Variants in KAZN observed in about 807,000 individuals in gnomAD.
KAZN encodes kazrin, periplakin interacting protein.
KAZN carries 40 observed loss-of-function variants against 87.4 expected under a neutral mutation model. The observed-to-expected ratio is 0.46, with a 90% CI of 0.36 to 0.60. KAZN has a LOEUF of 0.60. Ranked by LOEUF, KAZN falls within the 20% of genes least tolerant of loss-of-function variation. The probability of loss-of-function intolerance (pLI) is 0.00; values close to 1 mark genes in which losing one functional copy is unlikely to be tolerated. For synonymous variants in KAZN, 466 were observed against 458.3 expected, an observed-to-expected ratio of 1.02 and a Z score of -0.22; for missense variants, 898 against 1,073.9, an observed-to-expected ratio of 0.84 and a Z score of 2.29.
chr1:14,774,062 C>T lies in KAZN; in HGVS notation c.226+174839C>T, dbSNP rs574331157. On this transcript the variant is annotated intron_variant, in intron 1 of 14. Coordinates refer to ENST00000376030, the MANE Select transcript of KAZN (RefSeq NM_201628.3). ...TCATCCAAGGATCCAGGAGACCCAA[C>T]GCTAGCAAAAGACCCCACATGCTTT... Among the ~76,000 whole-genome samples the T allele has an allele frequency of 6.6e-5, 10 of 152,364 alleles. No homozygotes were observed. The East Asian group carries it at 1.7e-3, about 26-fold the overall frequency.
chr1:14,099,819 C>G (rs1230540786), intron 1 of KAZN, among the ~76,000 whole-genome samples: 1 of 152,334 alleles, frequency 6.6e-6, no homozygotes, highest in Non-Finnish European at 1.5e-5. Flanking sequence ...TTCCCCTAAG[C>G]TAGCTTAGAA....
chr1:14,695,793 C>A (rs565715375), intron 1 of KAZN, among the ~76,000 whole-genome samples: 1 of 151,942 alleles, frequency 6.6e-6, no homozygotes. Flanking sequence ...CATGAGCCAC[C>A]GTGCCCGGCC....
intron 2 of KAZN, among the ~76,000 whole-genome samples, chr1:14,478,988 G>A (rs2149502): frequency 6.6e-6 from 1 of 152,230 alleles, no homozygotes; most frequent in Non-Finnish European, 1.5e-5. Context: ...ATGGGCAACT[G>A]GGAGTTGAGA....
intron 2 of KAZN, among the ~76,000 whole-genome samples, chr1:14,531,605 T>C (rs1444789696): frequency 6.6e-6 from 1 of 152,172 alleles, no homozygotes; most frequent in Non-Finnish European, 1.5e-5. Context: ...AAGATGTGGT[T>C]GACAGCCTGG....
chr1:15,040,348 G>C (rs1672761132), intron 3 of KAZN, among the ~76,000 whole-genome samples: 1 of 152,192 alleles, frequency 6.6e-6, no homozygotes, highest in African/African-American at 2.4e-5. Flanking sequence ...AACTTCTCCA[G>C]CAGACTCCTG....
chr1:14,059,398 T>G (rs534492755), intron 1 of KAZN, among the ~76,000 whole-genome samples: 50 of 152,304 alleles, frequency 3.3e-4, no homozygotes, highest in Non-Finnish European at 6.2e-4. Context: ...TGGAGTCTGA[T>G]GTCTAAGAAC....
intron 2 of KAZN, among the ~76,000 whole-genome samples, chr1:14,341,414 G>T (rs1657717131): frequency 6.6e-6 from 1 of 152,114 alleles, no homozygotes; most frequent in Non-Finnish European, 1.5e-5. Context: ...TGGGCTCAGG[G>T]TGCTGCAGTG....
At chr1:13,970,834 A>G (rs1436965491) in intron 1 of KAZN, among the ~76,000 whole-genome samples, 1 of 152,210 alleles carries the variant, frequency 6.6e-6, no homozygotes, top group African/African-American at 2.4e-5. Flanking sequence ...ATGCCATCTC[A>G]GCTCTTTCAT....
chr1:14,442,553 G>T (rs1244561145), intron 2 of KAZN, among the ~76,000 whole-genome samples: 1 of 152,178 alleles, frequency 6.6e-6, no homozygotes, highest in East Asian at 1.9e-4. Context: ...TAGCTCTGTG[G>T]GGACTCAGCT....
At chr1:14,035,927 T>C (rs1036025907) in intron 1 of KAZN, among the ~76,000 whole-genome samples, 2 of 152,134 alleles carry the variant, frequency 1.3e-5, no homozygotes, top group African/African-American at 4.8e-5. Context: ...GTGGAGAAAA[T>C]CATTTCCTAG....
chr1:13,993,420 T>G (rs540248790), intron 1 of KAZN, among the ~76,000 whole-genome samples: 1 of 152,370 alleles, frequency 6.6e-6, no homozygotes, highest in South Asian at 2.1e-4. Context: ...CATTAAATTG[T>G]TTGATATTTA....
At chr1:14,979,687 G>A (rs1666036906) in intron 2 of KAZN, among the ~76,000 whole-genome samples, 1 of 152,048 alleles carries the variant, frequency 6.6e-6, no homozygotes, top group South Asian at 2.1e-4. Flanking sequence ...GACTTGTGGG[G>A]AGGCAGTAAT....
rs559818827 is a variant in KAZN, at chr1:14,825,019, C to A, written c.227-135665C>A. Among the ~76,000 whole-genome samples the A allele has an allele frequency of 3.9e-5, 6 of 152,384 alleles. No homozygotes were observed. The East Asian group carries it at 9.7e-4, about 25-fold the overall frequency. ...GTGAGCCCCAAATGCTGTTCCACAGCGAGGTGTGCTCACAGCGCATCCCCC... is the reference window on the plus strand; with the variant it reads ...GTGAGCCCCAAATGCTGTTCCACAGAGAGGTGTGCTCACAGCGCATCCCCC... On this transcript the variant is annotated intron_variant, in intron 1 of 14. Coordinates refer to ENST00000376030, the MANE Select transcript of KAZN (RefSeq NM_201628.3).
chr1:14,292,086 C>T (rs371041038), intron 2 of KAZN, among the ~76,000 whole-genome samples: 1 of 152,070 alleles, frequency 6.6e-6, no homozygotes, highest in Non-Finnish European at 1.5e-5. Context: ...TCACACTTTC[C>T]GAGAACCTAG....
chr1:14,303,471 C>G (rs1375739612), intron 2 of KAZN, among the ~76,000 whole-genome samples: 1 of 152,176 alleles, frequency 6.6e-6, no homozygotes, highest in Non-Finnish European at 1.5e-5. Flanking sequence ...GTCTCAATCT[C>G]CTGACCTCGG....
intron 2 of KAZN, among the ~76,000 whole-genome samples, chr1:14,296,728 TG>T: frequency 7.0e-6 from 1 of 143,722 alleles, no homozygotes; most frequent in South Asian, 2.3e-4. Context: ...CTCTGCCTCC[TG>T]GGTTTAAGCA....
chr1:14,281,351 C>T (rs1238305200), intron 2 of KAZN, among the ~76,000 whole-genome samples: 1 of 152,176 alleles, frequency 6.6e-6, no homozygotes, highest in Non-Finnish European at 1.5e-5. Flanking sequence ...TACTTCTGCA[C>T]ACATAAAGCA....
chr1:14,831,891 C>T (rs953324490), intron 1 of KAZN, among the ~76,000 whole-genome samples: 3 of 152,066 alleles, frequency 2.0e-5, no homozygotes, highest in Non-Finnish European at 4.4e-5. Context: ...CTCAAATGAG[C>T]ATGAGCAAAA....
chr1:14,213,166 A>C (rs1646889908), intron 2 of KAZN, among the ~76,000 whole-genome samples: 1 of 152,130 alleles, frequency 6.6e-6, no homozygotes, highest in Admixed American at 6.5e-5. Flanking sequence ...GTAGATATGG[A>C]AAATCATTTA....
Sources: gnomAD v4.1 joint callset for allele counts (sites outside exome capture counted in the v4.1 genomes callset) on GRCh38, gnomAD v4.1.1 for gene constraint, MANE v1.5 for transcripts, NCBI Gene and HGNC (gene_info 2026-07-23, HGNC 2026-07-21) for gene names.